Variants in COX15 observed in about 807,000 individuals in gnomAD.
COX15 encodes heme A synthase COX15.
Under a neutral mutation model 51.9 loss-of-function variants are expected in COX15, and 51 were observed. The ratio of observed to expected loss-of-function variants is 0.98; its 90% CI spans 0.78 to 1.24. COX15 has a LOEUF of 1.24. Ranked by LOEUF, COX15 falls within the 50% of genes most tolerant of loss-of-function variation. The pLI is 0.00. For missense variants in COX15, 420 were observed against 501.1 expected, an observed-to-expected ratio of 0.84 and a Z score of 1.55; for synonymous variants, 188 against 190.5, an observed-to-expected ratio of 0.99 and a Z score of 0.11.
chr10:99,731,245 C>T (rs1402526976), intron 1 of COX15, among the ~76,000 whole-genome samples: 1 of 152,160 alleles, frequency 6.6e-6, no homozygotes, highest in Non-Finnish European at 1.5e-5. Flanking sequence ...AAACTATGAG[C>T]TTTGGGGTGG....
the COX15 span, chr10:99,695,946 T>C: frequency 1.3e-5 from 21 of 1,601,284 alleles, no homozygotes; most frequent in African/African-American, 2.6e-4. Flanking sequence ...CTCTTGGTAT[T>C]GTATTATAGG....
chr10:99,731,767 A>G (rs952516399), intron 1 of COX15, among the ~76,000 whole-genome samples, 193 bp downstream of exon 1: 9 of 152,234 alleles, frequency 5.9e-5, no homozygotes, highest in African/African-American at 2.2e-4. Context: ...CAGAAAGTTT[A>G]ATTAACTTGG....
intron 4 of COX15, among the ~76,000 whole-genome samples, chr10:99,725,577 A>T (rs1485241661): frequency 6.6e-6 from 1 of 151,552 alleles, no homozygotes; most frequent in Non-Finnish European, 1.5e-5. Context: ...ATTTTTTTTG[A>T]GCCAGAGTCT....
At chr10:99,699,041 C>T in the COX15 span, among the ~76,000 whole-genome samples, 11 of 152,318 alleles carry the variant, frequency 7.2e-5, no homozygotes, top group African/African-American at 2.6e-4. Flanking sequence ...TCTAGCTATG[C>T]TGTACTGCCT....
Position 99,718,367 on chromosome 10 carries a change from C to T in COX15, c.966G>A (p.Val322=), listed in dbSNP as rs943225228. 9 of 1,614,108 alleles carry T rather than the reference C, an allele frequency of 5.6e-6. No individual in the cohort carries two copies. The East Asian group carries it at 1.8e-4, about 32-fold the overall frequency. ...TTACCAGAATCCGGTGATCAAACTG[C>T]ACCATGGTGGGATTCTCAAAAACAT... is the stretch of plus-strand genomic sequence containing the variant. ...LRNVFENPTM[V]QFDHRILGIT... Residue 322 remains valine, a synonymous_variant, in exon 7 of 9, where the codon GTG becomes GTA. Transcript: ENST00000016171.
intron 4 of COX15, among the ~76,000 whole-genome samples, chr10:99,726,544 G>C (rs1421747008): frequency 1.3e-5 from 2 of 152,116 alleles, no homozygotes; most frequent in African/African-American, 4.8e-5. Context: ...TAAAATGCAT[G>C]CTCTTACCTA....
At chr10:99,703,427 C>A in the COX15 span, among the ~76,000 whole-genome samples, 1 of 152,346 alleles carries the variant, frequency 6.6e-6, no homozygotes, top group East Asian at 1.9e-4. Flanking sequence ...CTGTCACACA[C>A]AAGCACTGTC....
At chr10:99,701,255 C>CA in the COX15 span, among the ~76,000 whole-genome samples, 3 of 151,576 alleles carry the variant, frequency 2.0e-5, no homozygotes, top group East Asian at 1.9e-4. Flanking sequence ...GGTTACCAAA[C>CA]AGAGTTCTCA....
Position 99,712,336 on chromosome 10 carries a change from A to C in COX15, c.*2251T>G, listed in dbSNP as rs2036422285. The C allele has an allele frequency of 4.0e-5, 39 of 985,338 alleles. No homozygotes were observed. Among genetic ancestry groups the C allele is most frequent in the Non-Finnish European group, 4.7e-5 (39 of 829,940 alleles). The allele number at this position is 985,338 out of a possible 1,614,324, so 61.0% of individuals were successfully genotyped here. ...ACGTTAGGTCATTTATGGCTCTCAG[A>C]CACGTTAAGCCTGCATAACATTTTT... On this transcript the variant is annotated 3_prime_UTR_variant, in exon 9 of 9. Transcript: ENST00000016171.
chr10:99,727,344 C>G, intron 3 of COX15, 97 bp downstream of exon 3: 1 of 1,556,074 alleles, frequency 6.4e-7, no homozygotes, highest in Non-Finnish European at 8.8e-7. Flanking sequence ...ATAACTGAAC[C>G]GAAGTTCATG....
At chr10:99,706,596 A>G (rs1324026453), downstream of COX15, among the ~76,000 whole-genome samples, 1 of 151,986 alleles carries the variant, frequency 6.6e-6, no homozygotes, top group Admixed American at 6.5e-5. Context: ...CAGCCTCCCA[A>G]AGTGCTGGGA....
chr10:99,714,813 T>G, intron 8 of COX15, 95 bp from the exon 9 acceptor site: 1 of 1,596,286 alleles, frequency 6.3e-7, no homozygotes, highest in Non-Finnish European at 8.5e-7. Context: ...AACCTCCACA[T>G]CCTCCTATCA....
rs1243031921 is a variant in COX15, at chr10:99,713,356, T to C, written c.*1231A>G. 6.2e-7 allele frequency: 1 copy of C among 1,612,882 alleles called. No homozygotes were observed. The highest frequency in any genetic ancestry group is 8.5e-7 in the Non-Finnish European group (1 of 1,179,550). On this transcript the variant is annotated 3_prime_UTR_variant, in exon 9 of 9. Coordinates refer to ENST00000016171, the MANE Select transcript of COX15 (RefSeq NM_078470.6). ...TCTCGATGGGGTCATTCTGGGACTG[T>C]TTTCAGTTGCCACTGTCATCTATTA...
chr10:99,702,635 G>C, the COX15 span: 1 of 1,613,598 alleles, frequency 6.2e-7, no homozygotes, highest in Non-Finnish European at 8.5e-7. Flanking sequence ...AGTGGACGCT[G>C]GGAGCCATTC....
chr10:99,710,359 C>T (rs1211997584), downstream of COX15: 2 of 985,342 alleles, frequency 2.0e-6, no homozygotes, highest in East Asian at 2.3e-4. Context: ...AGTTGAAGTC[C>T]TGAAGTACAT....
chr10:99,731,633 G>A (rs1388697401), intron 1 of COX15, among the ~76,000 whole-genome samples: 3 of 152,008 alleles, frequency 2.0e-5, no homozygotes, highest in African/African-American at 7.3e-5. Flanking sequence ...AAACTATATG[G>A]GTAAAAATTA....
At chr10:99,696,664 T>C in the COX15 span, among the ~76,000 whole-genome samples, 1 of 152,342 alleles carries the variant, frequency 6.6e-6, no homozygotes. Context: ...GAGTACCAGA[T>C]GAAGTAGTTA....
the COX15 span, chr10:99,702,758 T>C: frequency 1.5e-6 from 2 of 1,308,498 alleles, no homozygotes; most frequent in Non-Finnish European, 2.0e-6. Flanking sequence ...TTTTTTTTTT[T>C]AACCAGCTTA....
intron 6 of COX15, among the ~76,000 whole-genome samples, chr10:99,719,789 C>A (rs1248073347): frequency 6.6e-6 from 1 of 152,208 alleles, no homozygotes; most frequent in South Asian, 2.1e-4. Context: ...CCATGCCCAA[C>A]CCACTCCATA....
Sources: allele counts gnomAD v4.1 joint callset (sites outside exome capture counted in the v4.1 genomes callset), GRCh38; gene constraint gnomAD v4.1.1; transcripts MANE v1.5; gene names NCBI Gene and HGNC (gene_info 2026-07-23, HGNC 2026-07-21).